Variants in PWP1 observed in about 807,000 individuals in gnomAD.
The protein encoded by PWP1 is PWP1 homolog, endonuclein.
In PWP1, 47 loss-of-function variants were observed where a neutral mutation model predicts 69.9. That is an observed-to-expected ratio of 0.67 (90% CI 0.53 to 0.86). PWP1 has a LOEUF of 0.86. Among genes scored for constraint, PWP1 ranks in the 40% least tolerant of loss-of-function variants. The pLI is 0.00. For synonymous variants in PWP1, 222 were observed against 208.2 expected (o/e 1.07, Z -0.57); for missense variants, 551 against 608.8 (o/e 0.91, Z 1.00).
chr12:107,695,845 GTTATGAACA>G (rs1181352954), intron 5 of PWP1, among the ~76,000 whole-genome samples: 1 of 152,104 alleles, frequency 6.6e-6, no homozygotes, highest in Non-Finnish European at 1.5e-5. Flanking sequence ...ACTTCTTGTA[GTTATGAACA>G]TTATGAACTT....
rs576645052 is a variant in PWP1, at chr12:107,710,151, A to C, written c.1291-254A>C. On this transcript the variant is annotated intron_variant, in intron 13 of 14. Transcript: ENST00000412830. ...AAGAGACAGAGTGATAACGAAGATG[A>C]GTGGCCTGAGTGGTCAGAAGTTGCA... Among the ~76,000 whole-genome samples, 63 of 152,314 alleles carry C rather than the reference A, an allele frequency of 4.1e-4. 1 individual carries two copies. The East Asian group carries it at 9.1e-3, about 22-fold the overall frequency.
At chr12:107,699,881 C>T (rs966358659) in intron 8 of PWP1, among the ~76,000 whole-genome samples, 5 of 152,098 alleles carry the variant, frequency 3.3e-5, no homozygotes, top group African/African-American at 1.2e-4. Context: ...TAGACATACT[C>T]GAGGCTGGGT....
chr12:107,700,691 C>T (rs1016033871), intron 8 of PWP1, among the ~76,000 whole-genome samples: 17 of 152,066 alleles, frequency 1.1e-4, no homozygotes, highest in African/African-American at 3.6e-4. Context: ...TACCCAGAAG[C>T]GTTATTACTG....
At chr12:107,710,084 T>A (rs1394251292) in intron 13 of PWP1, among the ~76,000 whole-genome samples, 1 of 152,190 alleles carries the variant, frequency 6.6e-6, no homozygotes, top group Admixed American at 6.5e-5. Context: ...CAGCTAAAGT[T>A]TCTGGAAATA....
chr12:107,695,854 A>T (rs1889572471), intron 5 of PWP1, among the ~76,000 whole-genome samples: 1 of 152,192 alleles, frequency 6.6e-6, no homozygotes, highest in South Asian at 2.1e-4. Flanking sequence ...AGTTATGAAC[A>T]TTATGAACTT....
intron 11 of PWP1, 45 bp from the exon 12 acceptor site, chr12:107,708,881 A>AT: frequency 6.5e-7 from 1 of 1,546,968 alleles, no homozygotes; most frequent in Non-Finnish European, 8.9e-7. Context: ...CCATTGTTAG[A>AT]TTTTGTGACG....
chr12:107,688,896 G>T (rs769161127), intron 3 of PWP1, 94 bp downstream of exon 3: 64 of 1,264,272 alleles, frequency 5.1e-5, no homozygotes, highest in Non-Finnish European at 6.7e-5. Context: ...AGATTTTATT[G>T]TTCTTGACAT....
At chr12:107,699,160 GA>G (rs1216230361) in intron 7 of PWP1, among the ~76,000 whole-genome samples, 1 of 152,166 alleles carries the variant, frequency 6.6e-6, no homozygotes. Flanking sequence ...TTGAGAGGCT[GA>G]GGCAGGAGAA....
Position 107,704,616 on chromosome 12 carries a change from CTT to C in PWP1, c.966-18_966-17del. Reference sequence around the variant, plus strand: ...GAGAATTGAACTCTTAAAACCCTAACTTTGCCTGAATGTGTCTAGGTCAGTGG... The same window carrying C: ...GAGAATTGAACTCTTAAAACCCTAACTGCCTGAATGTGTCTAGGTCAGTGG... On this transcript the variant is annotated intron_variant, in intron 10 of 14. Transcript: ENST00000412830. The C allele has an allele frequency of 1.3e-6, 2 of 1,592,948 alleles. No homozygotes were observed. Among genetic ancestry groups the C allele is most frequent in the East Asian group, 4.5e-5 (2 of 44,720 alleles).
In PWP1 at chr12:107,703,542, G is replaced by A. The variant is rs1300979690; in HGVS notation, c.904-143G>A. On this transcript the variant is annotated intron_variant, in intron 9 of 14. Coordinates refer to ENST00000412830, the MANE Select transcript of PWP1 (RefSeq NM_007062.3). ...GCATGGTTTGCCCTTTGATTATGCA[G>A]TACATTTATGTTTCTTTTGTTTACT... 4.2e-6 allele frequency: 3 copies of A among 712,712 alleles called. No homozygotes were observed. The East Asian group carries it at 7.8e-5, about 19-fold the overall frequency. The allele number at this position is 712,712 out of a possible 1,614,324, so 44.1% of individuals were successfully genotyped here.
chr12:107,710,635 T>C, intron 14 of PWP1, 125 bp downstream of exon 14: 1 of 1,395,606 alleles, frequency 7.2e-7, no homozygotes, highest in Non-Finnish European at 9.4e-7. Flanking sequence ...CAATCCTTGG[T>C]CCTCAGCCTT....
intron 11 of PWP1, among the ~76,000 whole-genome samples, chr12:107,708,256 C>T (rs562875415): frequency 1.3e-5 from 2 of 152,280 alleles, no homozygotes; most frequent in East Asian, 1.9e-4. Flanking sequence ...GCTTCCCTCT[C>T]ATCTCAAAAG....
intron 10 of PWP1, among the ~76,000 whole-genome samples, chr12:107,704,404 G>C (rs931211658): frequency 6.6e-6 from 1 of 152,166 alleles, no homozygotes; most frequent in Non-Finnish European, 1.5e-5. Context: ...ATTTGACCTG[G>C]AGAAGGTCAA....
chr12:107,698,748 A>G (rs1889643842), intron 7 of PWP1, among the ~76,000 whole-genome samples: 1 of 152,050 alleles, frequency 6.6e-6, no homozygotes. Flanking sequence ...GTATGCTGCC[A>G]TGCCTGGCTA....
chr12:107,691,205 T>C (rs1889473649), intron 3 of PWP1, among the ~76,000 whole-genome samples: 1 of 152,158 alleles, frequency 6.6e-6, no homozygotes, highest in Admixed American at 6.5e-5. Context: ...GAGCTTGACC[T>C]GATGTATGTG....
chr12:107,690,756 G>T (rs567244263), intron 3 of PWP1, among the ~76,000 whole-genome samples: 1 of 152,296 alleles, frequency 6.6e-6, no homozygotes, highest in Non-Finnish European at 1.5e-5. Flanking sequence ...AGTCGAAAAT[G>T]ACATTGAGGA....
At position 107,712,581 on chromosome 12, in the gene PWP1, C is replaced by CT. The variant is rs1465330321; in HGVS notation, c.*362dup. The CT allele has an allele frequency of 3.0e-5, 5 of 164,676 alleles. No homozygotes were observed. The highest frequency in any genetic ancestry group is 1.8e-4 in the Admixed American group (3 of 16,230). 10.2% of individuals were successfully genotyped at this position (164,676 alleles called of 1,614,324 possible). On this transcript the variant is annotated 3_prime_UTR_variant, in exon 15 of 15. Coordinates refer to ENST00000412830, the MANE Select transcript of PWP1 (RefSeq NM_007062.3). Reference sequence around the variant, plus strand: ...TATTAAAAGATAGGTAAACCTAGGCCTGGAAAGGCTGTTATTTGGCTAAAA... The same window carrying CT: ...TATTAAAAGATAGGTAAACCTAGGCCTTGGAAAGGCTGTTATTTGGCTAAAA...
intron 7 of PWP1, 80 bp downstream of exon 7, chr12:107,697,677 CA>C (rs1889619432): frequency 1.2e-5 from 17 of 1,369,666 alleles, no homozygotes; most frequent in Admixed American, 7.0e-5. Context: ...TAAGACCGTA[CA>C]CTTTTTCAAT....
chr12:107,688,054 AAAAAAAG>A (rs1205661438), intron 1 of PWP1, among the ~76,000 whole-genome samples: 1 of 149,270 alleles, frequency 6.7e-6, no homozygotes, highest in Non-Finnish European at 1.5e-5. Context: ...AAAAAAAAAA[AAAAAAAG>A]AACAGAGGAC....
Sources: gnomAD v4.1 joint callset for allele counts (sites outside exome capture counted in the v4.1 genomes callset) on GRCh38, gnomAD v4.1.1 for gene constraint, MANE v1.5 for transcripts, NCBI Gene and HGNC (gene_info 2026-07-23, HGNC 2026-07-21) for gene names.